SHOC1: variants seen among roughly 807,000 people sequenced by gnomAD.
SHOC1 encodes the protein shortage in chiasmata 1, also known as protein shortage in chiasmata 1 ortholog.
SHOC1 carries 136 observed loss-of-function variants against 179.2 expected under a neutral mutation model. The ratio of observed to expected loss-of-function variants is 0.76; its 90% CI spans 0.66 to 0.87. The LOEUF (loss-of-function observed/expected upper bound fraction) is 0.87. Ranked by LOEUF, SHOC1 falls within the 40% of genes least tolerant of loss-of-function variation. SHOC1 has a pLI of 0.00. For missense variants in SHOC1, 1,538 were observed against 1,700.8 expected, an observed-to-expected ratio of 0.90 and a Z score of 1.68; for synonymous variants, 489 against 586.6, an observed-to-expected ratio of 0.83 and a Z score of 2.41.
At chr9:111,757,321 C>T (rs1476843567) in intron 7 of SHOC1, among the ~76,000 whole-genome samples, 1 of 152,148 alleles carries the variant, frequency 6.6e-6, no homozygotes, top group African/African-American at 2.4e-5. Flanking sequence ...CCAGGATGGT[C>T]TCGATCTCCT....
Position 111,706,727 on chromosome 9 carries a change from C to T in SHOC1, c.2578G>A (p.Val860Ile), listed in dbSNP as rs1430632120. 3 of 1,597,298 alleles carry T rather than the reference C, an allele frequency of 1.9e-6. No homozygotes were observed. ...TCTGCTCCAATATATTGATTATGTA[C>T]AACTACACAGGAACTTGTACTAAAG... is the stretch of plus-strand genomic sequence containing the variant. ...VLRGTSSCVV[V>I]HNQYIGADFP... is the part of the protein sequence containing the mutation. Residue 860 changes from valine to isoleucine, a missense_variant, in exon 20 of 28, where the codon GTA becomes ATA. Transcript: ENST00000682961.
intron 25 of SHOC1, 124 bp downstream of exon 25, chr9:111,694,107 T>C (rs752941399): frequency 5.0e-5 from 57 of 1,144,030 alleles, no homozygotes; most frequent in Non-Finnish European, 6.7e-5. Context: ...ATTAAAACTT[T>C]TGTTATTGCA....
At chr9:111,739,991 A>G (rs1456298911) in intron 11 of SHOC1, among the ~76,000 whole-genome samples, 1 of 152,230 alleles carries the variant, frequency 6.6e-6, no homozygotes, top group East Asian at 1.9e-4. Flanking sequence ...TTTAAATTAA[A>G]TCACCACTAT....
chr9:111,688,789 A>G (rs567421021), intron 27 of SHOC1, among the ~76,000 whole-genome samples: 2 of 149,100 alleles, frequency 1.3e-5, no homozygotes, highest in Admixed American at 6.7e-5. Context: ...AGTCTTTAAC[A>G]TGCCATTTTC....
At chr9:111,733,286 A>T (rs1343186890) in intron 12 of SHOC1, among the ~76,000 whole-genome samples, 3 of 152,284 alleles carry the variant, frequency 2.0e-5, no homozygotes, top group South Asian at 4.1e-4. Flanking sequence ...AATGTAGTTT[A>T]TAATTTTTTT....
At chr9:111,789,950 T>C (rs1836394153) in intron 2 of SHOC1, among the ~76,000 whole-genome samples, 1 of 152,196 alleles carries the variant, frequency 6.6e-6, no homozygotes, top group South Asian at 2.1e-4. Flanking sequence ...CACAGTTTTA[T>C]TATACTGGAG....
rs1259829011 is a variant in SHOC1 at position 111,692,030 on chromosome 9, C to T, written c.3947G>A (p.Arg1316Lys). Reference protein sequence around the residue: ...TIKSPTDTQKRVSVVPRFINS... With the variant: ...TIKSPTDTQKKVSVVPRFINS... ...TATAAAACGGGGGACAACTGACACTCTCTTCTGAGTGTCAGTTGGTGATTT... is the reference window on the plus strand; with the variant it reads ...TATAAAACGGGGGACAACTGACACTTTCTTCTGAGTGTCAGTTGGTGATTT... Residue 1316 changes from arginine to lysine, a missense_variant, in exon 27 of 28, where the codon AGA becomes AAA. Arg to Lys is a conservative substitution (Grantham distance 26). Transcript: ENST00000682961. The T allele has an allele frequency of 4.3e-6, 7 of 1,613,510 alleles. No homozygotes were observed. The African/African-American group carries it at 9.3e-5, about 22-fold the overall frequency.
intron 10 of SHOC1, among the ~76,000 whole-genome samples, 186 bp from the exon 11 acceptor site, chr9:111,741,756 C>T (rs1046375918): frequency 6.6e-6 from 1 of 151,988 alleles, no homozygotes; most frequent in Non-Finnish European, 1.5e-5. Flanking sequence ...CTCAGGCTCC[C>T]GAGCAGCTGG....
intron 5 of SHOC1, among the ~76,000 whole-genome samples, chr9:111,770,912 T>A (rs1835580494): frequency 6.6e-6 from 1 of 152,152 alleles, no homozygotes; most frequent in Admixed American, 6.5e-5. Flanking sequence ...TCTTTATAAG[T>A]GAAGAGAGTT....
chr9:111,716,303 G>A (rs1448902244), intron 16 of SHOC1, among the ~76,000 whole-genome samples: 4 of 150,486 alleles, frequency 2.7e-5, no homozygotes, highest in Admixed American at 2.6e-4. Flanking sequence ...CTTAACTAGG[G>A]TAAATTATAG....
chr9:111,786,181 A>C, intron 2 of SHOC1, 146 bp from the exon 3 acceptor site: 3 of 531,322 alleles, frequency 5.6e-6, no homozygotes, highest in Non-Finnish European at 5.9e-6. Context: ...GGCATACCTA[A>C]TCCCAGCACT....
chr9:111,698,605 A>G lies in SHOC1; in HGVS notation c.3183+1349T>C, dbSNP rs1589377586. Among the ~76,000 whole-genome samples, 6 of 152,168 alleles carry G rather than the reference A, an allele frequency of 3.9e-5. No individual in the cohort carries two copies. In the South Asian group the frequency reaches 1.2e-3, roughly 32 times the overall value. On this transcript the variant is annotated intron_variant, in intron 24 of 27. Transcript: ENST00000682961. The stretch of plus-strand genomic sequence containing the variant: ...GTTTTGGTTACTGTAGCCTTGTAGT[A>G]TAGTCTGAAGTCAGGTAGCGTGATG...
chr9:111,693,956 A>C lies in SHOC1; in HGVS notation c.3316-8T>G. 6.2e-7 allele frequency: 1 copy of C among 1,601,092 alleles called. No homozygotes were observed. Among genetic ancestry groups the C allele is most frequent in the East Asian group, 2.2e-5 (1 of 44,690 alleles). ...AAGTAAGTACATTTCTTCCTAGAAA[A>C]GAGTTTAAGAAATAATCAGTCAGTA... On this transcript the variant is annotated splice_region_variant and splice_polypyrimidine_tract_variant and intron_variant, in intron 25 of 27. Coordinates refer to ENST00000682961, the MANE Select transcript of SHOC1 (RefSeq NM_001378211.1).
intron 5 of SHOC1, among the ~76,000 whole-genome samples, chr9:111,767,401 C>G (rs1269510203): frequency 6.6e-6 from 1 of 152,134 alleles, no homozygotes; most frequent in Non-Finnish European, 1.5e-5. Flanking sequence ...TTTCATTCTT[C>G]TGCATATAGT....
chr9:111,687,068 T>C (rs1831207938), intron 27 of SHOC1, among the ~76,000 whole-genome samples, 198 bp from the exon 28 acceptor site: 1 of 151,382 alleles, frequency 6.6e-6, no homozygotes, highest in African/African-American at 2.4e-5. Context: ...TGCCTCAGCC[T>C]CCCGAGCAGC....
rs182893956 is a variant in SHOC1 at position 111,752,144 on chromosome 9, A to G, written c.863-3945T>C. On this transcript the variant is annotated intron_variant, in intron 8 of 27. Coordinates refer to ENST00000682961, the MANE Select transcript of SHOC1 (RefSeq NM_001378211.1). ...TAGCTGGGTCAACTAGAACTTGGATAAAAATCTGTGGTCTTATTATCTTGA... is the reference window on the plus strand; with the variant it reads ...TAGCTGGGTCAACTAGAACTTGGATGAAAATCTGTGGTCTTATTATCTTGA... Among the ~76,000 whole-genome samples the G allele has an allele frequency of 1.0e-3, 153 of 152,318 alleles. 2 individuals are homozygous for G. The highest frequency in any genetic ancestry group is 3.5e-3 in the African/African-American group (144 of 41,584).
chr9:111,695,184 C>T (rs570508383), intron 24 of SHOC1, among the ~76,000 whole-genome samples: 1 of 152,124 alleles, frequency 6.6e-6, no homozygotes, highest in South Asian at 2.1e-4. Flanking sequence ...AGCAGTTTAA[C>T]GTGAACAGAG....
chr9:111,749,008 T>TCCTTCCTG (rs1231206896), intron 8 of SHOC1, among the ~76,000 whole-genome samples: 6 of 136,928 alleles, frequency 4.4e-5, no homozygotes, highest in Non-Finnish European at 9.5e-5. Context: ...TTTCCTGCCT[T>TCCTTCCTG]CCTTCCTGCC....
chr9:111,758,543 T>G, intron 6 of SHOC1, 152 bp downstream of exon 6: 1 of 662,574 alleles, frequency 1.5e-6, no homozygotes, highest in Non-Finnish European at 2.4e-6. Context: ...GAGCCGAGAT[T>G]GCGCCATTGT....
Sources: allele counts gnomAD v4.1 joint callset (sites outside exome capture counted in the v4.1 genomes callset), GRCh38; gene constraint gnomAD v4.1.1; transcripts MANE v1.5; gene names NCBI Gene and HGNC (gene_info 2026-07-23, HGNC 2026-07-21).